The following AGPAT4 variants were observed in gnomAD, a reference collection of about 807,000 sequenced individuals.
The protein encoded by AGPAT4 is 1-acyl-sn-glycerol-3-phosphate acyltransferase delta.
AGPAT4 carries 15 observed loss-of-function variants against 48.0 expected under a neutral mutation model. That is an observed-to-expected ratio of 0.31 (90% CI 0.21 to 0.48). AGPAT4 has a LOEUF of 0.48. Among genes scored for constraint, AGPAT4 ranks in the 20% least tolerant of loss-of-function variants. AGPAT4 has a pLI of 0.99. For missense variants in AGPAT4, 314 were observed against 482.5 expected (o/e 0.65, Z 3.27); for synonymous variants, 178 against 198.7 (o/e 0.90, Z 0.88).
At chr6:161,268,197 A>G (rs1189983797) in intron 1 of AGPAT4, among the ~76,000 whole-genome samples, 1 of 152,224 alleles carries the variant, frequency 6.6e-6, no homozygotes, top group Non-Finnish European at 1.5e-5. Flanking sequence ...GTACTGGCAC[A>G]TAGGAGGCCC....
Position 161,223,856 on chromosome 6 carries a change from G to A in AGPAT4, c.178+8180C>T, listed in dbSNP as rs1489996682. On this transcript the variant is annotated intron_variant, in intron 2 of 8. Coordinates refer to ENST00000320285, the MANE Select transcript of AGPAT4 (RefSeq NM_020133.3). This position sits in a 1 kb window ranked among gnomAD's most constrained non-coding sequence, Gnocchi z 6.3. ...TCACTTCCTGTGTGACCCTGGGCAAGTCACTTAAACTCTCTGTGCCTAACT... is the reference window on the plus strand; with the variant it reads ...TCACTTCCTGTGTGACCCTGGGCAAATCACTTAAACTCTCTGTGCCTAACT... Among the ~76,000 whole-genome samples, 1 of 152,166 alleles carries A rather than the reference G, an allele frequency of 6.6e-6. No individual in the cohort carries two copies. The highest frequency in any genetic ancestry group is 2.4e-5 in the African/African-American group (1 of 41,440).
In AGPAT4 at chr6:161,259,319, G is replaced by C. The variant is rs945287932; in HGVS notation, c.-90+14619C>G. On this transcript the variant is annotated intron_variant, in intron 1 of 8. Transcript: ENST00000320285. This position sits in a 1 kb window ranked among gnomAD's most constrained non-coding sequence, Gnocchi z 4.9. ...GTTATGGTCACAATGCCATGTAACA[G>C]ACCTCTGCACCCCTGAAGCTTTAAC... 6.6e-6 allele frequency among the ~76,000 whole-genome samples: 1 copy of C among 152,040 alleles called. No homozygotes were observed. Among genetic ancestry groups the C allele is most frequent in the Non-Finnish European group, 1.5e-5 (1 of 68,010 alleles).
intron 2 of AGPAT4, among the ~76,000 whole-genome samples, chr6:161,209,224 G>C (rs1781460474): frequency 6.6e-6 from 1 of 152,086 alleles, no homozygotes; most frequent in Non-Finnish European, 1.5e-5. Context: ...CCACAATGAG[G>C]AATCCCAAAG....
Position 161,202,914 on chromosome 6 carries a change from C to T in AGPAT4, c.178+29122G>A, listed in dbSNP as rs887256908. On this transcript the variant is annotated intron_variant, in intron 2 of 8. Coordinates refer to ENST00000320285, the MANE Select transcript of AGPAT4 (RefSeq NM_020133.3). This position sits in a 1 kb window ranked among gnomAD's most constrained non-coding sequence, Gnocchi z 5.4. ...GATAGGTTACTCCAGTTGACAGCCCCAGTTGAGGTCCCAGCCAACAGCCAA... is the reference window on the plus strand; with the variant it reads ...GATAGGTTACTCCAGTTGACAGCCCTAGTTGAGGTCCCAGCCAACAGCCAA... 1.3e-5 allele frequency among the ~76,000 whole-genome samples: 2 copies of T among 152,148 alleles called. No individual in the cohort carries two copies. The highest frequency in any genetic ancestry group is 2.4e-5 in the African/African-American group (1 of 41,428).
intron 1 of AGPAT4, among the ~76,000 whole-genome samples, chr6:161,248,752 A>G (rs1345587990): frequency 6.6e-6 from 1 of 152,158 alleles, no homozygotes; most frequent in African/African-American, 2.4e-5. Flanking sequence ...TGCCCAAAGT[A>G]ATTTACAGAT....
intron 2 of AGPAT4, among the ~76,000 whole-genome samples, chr6:161,187,308 C>G (rs921481492): frequency 6.6e-6 from 1 of 152,164 alleles, no homozygotes; most frequent in African/African-American, 2.4e-5. Context: ...CTTTCCTCAA[C>G]AGCAGGGTCT....
intron 7 of AGPAT4, among the ~76,000 whole-genome samples, chr6:161,145,517 C>G (rs1779392683): frequency 6.6e-6 from 1 of 151,528 alleles, no homozygotes; most frequent in East Asian, 1.9e-4. Flanking sequence ...AGCTTCTCTG[C>G]TAAAGGTGAT....
Position 161,242,443 on chromosome 6 carries a change from C to A in AGPAT4, c.-89-10141G>T, listed in dbSNP as rs759988549. Among the ~76,000 whole-genome samples, 4 of 152,138 alleles carry A rather than the reference C, an allele frequency of 2.6e-5. No homozygotes were observed. The highest frequency in any genetic ancestry group is 5.9e-5 in the Non-Finnish European group (4 of 68,032). On this transcript the variant is annotated intron_variant, in intron 1 of 8. Coordinates refer to ENST00000320285, the MANE Select transcript of AGPAT4 (RefSeq NM_020133.3). The surrounding 1 kb of genome is among the most constrained non-coding windows in gnomAD (Gnocchi z 5.0). ...CCTTTCACAGTCAGTCCTGGGGAGC[C>A]TCAGTGGCACCTTTTCTCCAAGTAG...
At chr6:161,257,106 C>G (rs1782964597) in intron 1 of AGPAT4, among the ~76,000 whole-genome samples, 1 of 152,180 alleles carries the variant, frequency 6.6e-6, no homozygotes, top group Non-Finnish European at 1.5e-5. Context: ...GAAAACAGCA[C>G]TTGTTTCTAA....
At chr6:161,199,499 A>G (rs1781162372) in intron 2 of AGPAT4, among the ~76,000 whole-genome samples, 1 of 152,172 alleles carries the variant, frequency 6.6e-6, no homozygotes, top group South Asian at 2.1e-4. Flanking sequence ...TGCCCACAAC[A>G]GCCCCTTGTT....
At position 161,146,748 on chromosome 6, in the gene AGPAT4, G is replaced by C; in HGVS notation, c.768-149C>G. On this transcript the variant is annotated intron_variant, in intron 6 of 8. Coordinates refer to ENST00000320285, the MANE Select transcript of AGPAT4 (RefSeq NM_020133.3). This position sits in a 1 kb window ranked among gnomAD's most constrained non-coding sequence, Gnocchi z 7.1. ...GAGTAATGCAAGTGATAGAAAGAAG[G>C]GGCGTTCCACATCCACACTGGAGAA... The C allele has an allele frequency of 4.1e-6, 3 of 726,492 alleles. No individual in the cohort carries two copies. Among genetic ancestry groups the C allele is most frequent in the Non-Finnish European group, 6.9e-6 (3 of 436,944 alleles). The allele number at this position is 726,492 out of a possible 1,614,324, so 45.0% of individuals were successfully genotyped here.
rs779268253 is a variant in AGPAT4 at position 161,169,045 on chromosome 6, T to TA, written c.179-2629dup. Among the ~76,000 whole-genome samples the TA allele has an allele frequency of 7.2e-5, 11 of 152,142 alleles. No homozygotes were observed. Among genetic ancestry groups the TA allele is most frequent in the Non-Finnish European group, 1.6e-4 (11 of 68,040 alleles). ...TTTTTAATTACTATTATATGCCTGATAATTTTATCACACACAAAGGCTCTG... is the reference window on the plus strand; with the variant it reads ...TTTTTAATTACTATTATATGCCTGATAAATTTTATCACACACAAAGGCTCTG... On this transcript the variant is annotated intron_variant, in intron 2 of 8. Coordinates refer to ENST00000320285, the MANE Select transcript of AGPAT4 (RefSeq NM_020133.3). The surrounding 1 kb of genome is among the most constrained non-coding windows in gnomAD (Gnocchi z 5.0).
intron 1 of AGPAT4, among the ~76,000 whole-genome samples, chr6:161,268,864 C>A (rs1582924582): frequency 6.6e-6 from 1 of 152,246 alleles, no homozygotes; most frequent in African/African-American, 2.4e-5. Context: ...TCAGAAAACA[C>A]AGAGAAAGTG....
intron 2 of AGPAT4, among the ~76,000 whole-genome samples, chr6:161,227,929 C>T (rs1036434016): frequency 6.6e-6 from 1 of 152,060 alleles, no homozygotes; most frequent in African/African-American, 2.4e-5. Flanking sequence ...AAATTCTAAA[C>T]CCTTTATTAG....
intron 2 of AGPAT4, among the ~76,000 whole-genome samples, chr6:161,168,444 A>C (rs980139633): frequency 1.3e-5 from 2 of 151,598 alleles, no homozygotes; most frequent in Non-Finnish European, 2.9e-5. Context: ...CCCCTACCCC[A>C]CTCACATGTT....
In AGPAT4 at chr6:161,240,263, CACACTT is replaced by C. The variant is rs1220395484; in HGVS notation, c.-89-7967_-89-7962del. 2.2e-5 allele frequency among the ~76,000 whole-genome samples: 3 copies of C among 137,552 alleles called. No homozygotes were observed. The highest frequency in any genetic ancestry group is 5.6e-5 in the African/African-American group (2 of 35,478). The allele number at this position is 137,552 out of a possible 152,430, so 90.2% of individuals were successfully genotyped here. On this transcript the variant is annotated intron_variant, in intron 1 of 8. Transcript: ENST00000320285. The surrounding 1 kb of genome is among the most constrained non-coding windows in gnomAD (Gnocchi z 5.5). ...ACACACACACACACACACACACACA[CACACTT>C]AAACAAGTCTGTCCACCTGGAAGCC...
rs867513180 is a variant in AGPAT4 at position 161,234,030 on chromosome 6, G to T, written c.-89-1728C>A. Among the ~76,000 whole-genome samples the T allele has an allele frequency of 6.6e-6, 1 of 152,166 alleles. No individual in the cohort carries two copies. The highest frequency in any genetic ancestry group is 2.4e-5 in the African/African-American group (1 of 41,444). ...TAACTCCGAGCTCTTTCTCCTGCAC[G>T]TGTCAGGGGTGTTCTGCTCCTGAGA... On this transcript the variant is annotated intron_variant, in intron 1 of 8. Transcript: ENST00000320285. The surrounding 1 kb of genome is among the most constrained non-coding windows in gnomAD (Gnocchi z 4.4).
In AGPAT4 at chr6:161,154,523, AGCAGGGG is replaced by A. The variant is rs1779709275; in HGVS notation, c.349-220_349-214del. ...GTTGTGCTTGCCCTGCCAGTGTGGG[AGCAGGGG>A]GCAGGGGCACCCTGGTTCTCAGCGC... On this transcript the variant is annotated intron_variant, in intron 3 of 8. Coordinates refer to ENST00000320285, the MANE Select transcript of AGPAT4 (RefSeq NM_020133.3). The surrounding 1 kb of genome is among the most constrained non-coding windows in gnomAD (Gnocchi z 7.8). Among the ~76,000 whole-genome samples the A allele has an allele frequency of 6.6e-6, 1 of 152,170 alleles. No individual in the cohort carries two copies. The highest frequency in any genetic ancestry group is 2.4e-5 in the African/African-American group (1 of 41,526).
rs1261793694 is a variant in AGPAT4, at chr6:161,232,726, C to A, written c.-89-424G>T. ...TCGCGGCCTGAGCCCCATTCTCTCA[C>A]CCCTAGCCCCACGCCATCTCCCTCC... is the stretch of plus-strand genomic sequence containing the variant. On this transcript the variant is annotated intron_variant, in intron 1 of 8. Transcript: ENST00000320285. This position sits in a 1 kb window ranked among gnomAD's most constrained non-coding sequence, Gnocchi z 6.8. 6.6e-5 allele frequency among the ~76,000 whole-genome samples: 10 copies of A among 152,180 alleles called. No homozygotes were observed. Among genetic ancestry groups the A allele is most frequent in the Non-Finnish European group, 1.5e-4 (10 of 68,024 alleles).
Sources: gnomAD v4.1 joint callset for allele counts (sites outside exome capture counted in the v4.1 genomes callset) on GRCh38, gnomAD v4.1.1 for gene constraint, Gnocchi (gnomAD v3.1) non-coding constraint, MANE v1.5 for transcripts, NCBI Gene and HGNC (gene_info 2026-07-23, HGNC 2026-07-21) for gene names.